Variants in ARMC9 observed in about 807,000 individuals in gnomAD.
ARMC9 encodes armadillo repeat containing 9.
A neutral mutation model predicts 107.0 loss-of-function variants in ARMC9; 94 were observed. The ratio of observed to expected loss-of-function variants is 0.88; its 90% CI spans 0.74 to 1.04. ARMC9 has a LOEUF of 1.04. ARMC9 is among the 50% of genes least tolerant of loss of function. The probability of loss-of-function intolerance (pLI) is 0.00; values close to 1 mark genes in which losing one functional copy is unlikely to be tolerated. For missense variants in ARMC9, 942 were observed against 1,030.1 expected (o/e 0.91, Z 1.17); for synonymous variants, 380 against 396.9 (o/e 0.96, Z 0.51).
rs1208909660 is a variant in ARMC9, at chr2:231,302,432, G to GGTTT, written c.1773+6184_1773+6187dup. ...TTTTATGAAAAAGTGTAGCATTGTGGGTTTGTTTTTTTTTTTTTTTTTTTT... is the reference window on the plus strand; with the variant it reads ...TTTTATGAAAAAGTGTAGCATTGTGGGTTTGTTTGTTTTTTTTTTTTTTTTTTTT... On this transcript the variant is annotated intron_variant, in intron 19 of 24. Transcript: ENST00000611582. Among the ~76,000 whole-genome samples, 296 of 127,288 alleles carry GGTTT rather than the reference G, an allele frequency of 2.3e-3. 3 individuals carry two copies. Among genetic ancestry groups the GGTTT allele is most frequent in the Middle Eastern group, 0.011 (2 of 190 alleles). 83.5% of individuals were successfully genotyped at this position (127,288 alleles called of 152,430 possible). A position where few individuals can be genotyped will look rare whatever the true frequency, so the allele number is the denominator to read the frequency against.
intron 23 of ARMC9, 89 bp from the exon 24 acceptor site, chr2:231,369,864 G>A (rs144263575): frequency 7.7e-7 from 1 of 1,306,436 alleles, no homozygotes; most frequent in Non-Finnish European, 9.9e-7. Flanking sequence ...AGAGTGCTGG[G>A]ATTATAGGCG....
chr2:231,284,800 C>G (rs545032527), intron 17 of ARMC9, among the ~76,000 whole-genome samples: 5 of 152,330 alleles, frequency 3.3e-5, no homozygotes, highest in African/African-American at 9.6e-5. Flanking sequence ...GGCTGCCACA[C>G]ACTCCTAAGT....
chr2:231,296,305 C>A, intron 19 of ARMC9, 52 bp downstream of exon 19: 1 of 1,428,832 alleles, frequency 7.0e-7, no homozygotes, highest in Non-Finnish European at 9.8e-7. Flanking sequence ...AAACTATTCT[C>A]TCTTTCCTGC....
At position 231,376,145 on chromosome 2, in the gene ARMC9, C is replaced by G. The variant is rs957058260; in HGVS notation, c.*4610C>G. ...GGGGGATGTATGTTGCCTCAGGACC[C>G]TGTAATAATTGCATTAACTGCACAA... On this transcript the variant is annotated 3_prime_UTR_variant, in exon 25 of 25. Transcript: ENST00000611582. 2.0e-5 allele frequency among the ~76,000 whole-genome samples: 3 copies of G among 152,024 alleles called. No homozygotes were observed. The highest frequency in any genetic ancestry group is 7.3e-5 in the African/African-American group (3 of 41,360).
At chr2:231,217,794 G>T (rs1046602909) in intron 5 of ARMC9, among the ~76,000 whole-genome samples, 1 of 152,092 alleles carries the variant, frequency 6.6e-6, no homozygotes, top group Admixed American at 6.6e-5. Flanking sequence ...GGGTTGAAGC[G>T]ATTCTCTTGC....
rs2030417156 is a variant in ARMC9, at chr2:231,199,537, T to G, written c.-42+839T>G. On this transcript the variant is annotated intron_variant, in intron 1 of 24. Coordinates refer to ENST00000611582, the MANE Select transcript of ARMC9 (RefSeq NM_001352754.2). ...GTGTCAGACTTCCTGGGCCTCAAAT[T>G]GCCTCATCTGGAATGGGAAAATATA... is the stretch of plus-strand genomic sequence containing the variant. Among the ~76,000 whole-genome samples the G allele has an allele frequency of 4.6e-5, 7 of 152,320 alleles. No homozygotes were observed. The South Asian group carries it at 1.4e-3, about 32-fold the overall frequency.
chr2:231,248,583 C>T (rs1182069175), intron 9 of ARMC9, among the ~76,000 whole-genome samples: 2 of 151,792 alleles, frequency 1.3e-5, no homozygotes, highest in Non-Finnish European at 2.9e-5. Context: ...CCGAGGCGGG[C>T]GGATCATGAG....
intron 22 of ARMC9, among the ~76,000 whole-genome samples, chr2:231,356,925 C>G (rs1348786753): frequency 6.6e-6 from 1 of 152,124 alleles, no homozygotes; most frequent in East Asian, 1.9e-4. Flanking sequence ...TAGGCCTGGA[C>G]TTCCTGAAAG....
intron 18 of ARMC9, among the ~76,000 whole-genome samples, chr2:231,293,381 T>G (rs2041155268): frequency 6.6e-6 from 1 of 152,164 alleles, no homozygotes; most frequent in African/African-American, 2.4e-5. Context: ...TGCCCAGCCC[T>G]CCCAGGCCAG....
chr2:231,344,363 T>TTG (rs2044693342), intron 20 of ARMC9, among the ~76,000 whole-genome samples: 1 of 152,252 alleles, frequency 6.6e-6, no homozygotes, highest in African/African-American at 2.4e-5. Context: ...TTTGTAAAGT[T>TTG]GTAGTTTCTA....
intron 16 of ARMC9, among the ~76,000 whole-genome samples, chr2:231,280,211 T>C (rs2040098492): frequency 6.6e-6 from 1 of 152,130 alleles, no homozygotes; most frequent in Admixed American, 6.5e-5. Flanking sequence ...CCCAGCAATT[T>C]TGGGAGACCG....
At chr2:231,332,857 G>A (rs2043834756) in intron 20 of ARMC9, among the ~76,000 whole-genome samples, 2 of 152,202 alleles carry the variant, frequency 1.3e-5, no homozygotes, top group South Asian at 2.1e-4. Context: ...TTTGAAGCTG[G>A]TGGTTGCTTC....
intron 4 of ARMC9, among the ~76,000 whole-genome samples, chr2:231,216,076 C>T (rs1423529192): frequency 6.6e-6 from 1 of 152,100 alleles, no homozygotes; most frequent in African/African-American, 2.4e-5. Flanking sequence ...ATAGAAGCCC[C>T]GAGAGGGGAA....
rs910458252 is a variant in ARMC9, at chr2:231,367,545, G to C, written c.2262-2408G>C. On this transcript the variant is annotated intron_variant, in intron 23 of 24. Coordinates refer to ENST00000611582, the MANE Select transcript of ARMC9 (RefSeq NM_001352754.2). ...TAGGGCTAACCCAGCACTAACCCCT[G>C]CCCTTACCAGTGCTGGGAATAGTAC... Among the ~76,000 whole-genome samples, 22 of 152,302 alleles carry C rather than the reference G, an allele frequency of 1.4e-4. No homozygotes were observed. In the Middle Eastern group the frequency reaches 0.02, roughly 141 times the overall value.
chr2:231,355,994 A>C, intron 22 of ARMC9, 60 bp downstream of exon 22: 1 of 1,487,816 alleles, frequency 6.7e-7, no homozygotes, highest in East Asian at 2.5e-5. Flanking sequence ...GAACCTACGC[A>C]AAACAGCAGC....
intron 9 of ARMC9, among the ~76,000 whole-genome samples, chr2:231,244,892 C>T (rs558060035): frequency 6.6e-6 from 1 of 152,354 alleles, no homozygotes; most frequent in Admixed American, 6.5e-5. Context: ...CCCAGGTCTG[C>T]CCCCAGCCTC....
intron 12 of ARMC9, among the ~76,000 whole-genome samples, chr2:231,267,117 A>G (rs1045838331): frequency 2.2e-4 from 34 of 152,358 alleles, no homozygotes; most frequent in African/African-American, 7.5e-4. Context: ...CTGAGCACTT[A>G]TTGATCCCCT....
chr2:231,309,069 G>A (rs1013921212), intron 19 of ARMC9, among the ~76,000 whole-genome samples: 2 of 152,212 alleles, frequency 1.3e-5, no homozygotes, highest in African/African-American at 2.4e-5. Flanking sequence ...TCCCAATTAA[G>A]GCTTTTGCTT....
chr2:231,356,600 A>G (rs889522581), intron 22 of ARMC9, among the ~76,000 whole-genome samples: 2 of 152,212 alleles, frequency 1.3e-5, no homozygotes, highest in East Asian at 1.9e-4. Context: ...GAGAACTTGC[A>G]TCTGCTCACA....
Sources: gnomAD v4.1 joint callset for allele counts (sites outside exome capture counted in the v4.1 genomes callset) on GRCh38, gnomAD v4.1.1 for gene constraint, MANE v1.5 for transcripts, NCBI Gene and HGNC (gene_info 2026-07-23, HGNC 2026-07-21) for gene names.